The following SLC2A12 variants were observed in gnomAD, a reference collection of about 807,000 sequenced individuals.
SLC2A12 encodes the protein solute carrier family 2, facilitated glucose transporter member 12.
Under a neutral mutation model 41.8 loss-of-function variants are expected in SLC2A12, and 23 were observed. The ratio of observed to expected loss-of-function variants is 0.55; its 90% CI spans 0.40 to 0.78. The LOEUF is 0.78. Among genes scored for constraint, SLC2A12 ranks in the 30% least tolerant of loss-of-function variants. SLC2A12 has a pLI of 0.00. For synonymous variants in SLC2A12, 295 were observed against 285.9 expected (o/e 1.03, Z -0.32); for missense variants, 654 against 745.6 (o/e 0.88, Z 1.43).
chr6:134,050,445 A>G (rs1028628800), intron 1 of SLC2A12, among the ~76,000 whole-genome samples: 3 of 152,242 alleles, frequency 2.0e-5, no homozygotes, highest in African/African-American at 4.8e-5. Flanking sequence ...TTATTTCTTT[A>G]CAACATAAAC....
At chr6:134,011,825 T>A (rs1379407702) in intron 2 of SLC2A12, among the ~76,000 whole-genome samples, 1 of 152,072 alleles carries the variant, frequency 6.6e-6, no homozygotes, top group Non-Finnish European at 1.5e-5. Flanking sequence ...GCAGATCACC[T>A]AAGCTCAGGA....
chr6:134,021,753 G>A (rs1411410845), intron 2 of SLC2A12, among the ~76,000 whole-genome samples: 3 of 152,192 alleles, frequency 2.0e-5, no homozygotes, highest in African/African-American at 7.2e-5. Context: ...GCCCAGAACT[G>A]AATTACTCTA....
At position 133,989,474 on chromosome 6, in the gene SLC2A12, A is replaced by G. The variant is rs1019873549; in HGVS notation, c.*1681T>C. On this transcript the variant is annotated 3_prime_UTR_variant, in exon 5 of 5. Transcript: ENST00000275230. Reference sequence around the variant, plus strand: ...GCTAAACAAAAAATACCTGAAGTATATATAGAGTTTGAACTATAAACACGG... The same window carrying G: ...GCTAAACAAAAAATACCTGAAGTATGTATAGAGTTTGAACTATAAACACGG... The G allele has an allele frequency of 7.2e-5, 11 of 152,208 alleles. No individual in the cohort carries two copies. The highest frequency in any genetic ancestry group is 2.7e-4 in the African/African-American group (11 of 41,452). The allele number at this position is 152,208 out of a possible 1,614,324, so 9.4% of individuals were successfully genotyped here.
At chr6:134,012,220 T>C (rs1486985301) in intron 2 of SLC2A12, among the ~76,000 whole-genome samples, 5 of 152,224 alleles carry the variant, frequency 3.3e-5, no homozygotes, top group African/African-American at 9.6e-5. Flanking sequence ...CTTGGATTAC[T>C]TAAATTACAA....
At position 134,029,250 on chromosome 6, in the gene SLC2A12, A is replaced by G; in HGVS notation, c.575T>C (p.Val192Ala). ...AYISNYAFAN[V>A]FHGWKYMFGL... ...AAACATGTACTTCCAGCCATGGAAA[A>G]CATTGGCAAATGCGTAATTTGAAAT... Residue 192 changes from valine (V) to alanine (A), a missense_variant, in exon 2 of 5, where the codon GTT (valine) becomes GCT (alanine). Physicochemically the swap from Val to Ala is moderately conservative, Grantham distance 64. Coordinates refer to ENST00000275230, the MANE Select transcript of SLC2A12 (RefSeq NM_145176.3). 1 of 1,614,230 alleles carries G rather than the reference A, an allele frequency of 6.2e-7. No homozygotes were observed. Among genetic ancestry groups the G allele is most frequent in the Non-Finnish European group, 8.5e-7 (1 of 1,180,044 alleles).
chr6:134,002,018 A>G lies in SLC2A12; in HGVS notation c.1679T>C (p.Ile560Thr), dbSNP rs1363911891. Residue 560 changes from isoleucine (I) to threonine (T), a missense_variant, in exon 4 of 5, where the codon ATA (isoleucine) becomes ACA (threonine). Ile to Thr is a moderately conservative substitution (Grantham distance 89). This residue lies in a region of SLC2A12 where 134 missense variants were observed against 180.5 expected (regional missense o/e 0.74). Coordinates refer to ENST00000275230, the MANE Select transcript of SLC2A12 (RefSeq NM_145176.3). ...TTACACTTTTGCTAGCTCCATTGAT[A>G]TTTGTTCCAAAGAGCATCCCTTTGT... Reference protein sequence around the residue: ...PETKGCSLEQISMELAKVNYV... With the variant: ...PETKGCSLEQTSMELAKVNYV... 6.2e-7 allele frequency: 1 copy of G among 1,609,058 alleles called. No homozygotes were observed.
chr6:134,012,615 A>G (rs902532291), intron 2 of SLC2A12, among the ~76,000 whole-genome samples: 2 of 152,222 alleles, frequency 1.3e-5, no homozygotes, highest in African/African-American at 4.8e-5. Context: ...ACTCTTTTAA[A>G]TGTTTCCTGT....
In SLC2A12 at chr6:133,988,372, T is replaced by C. The variant is rs1039846164; in HGVS notation, c.*2783A>G. On this transcript the variant is annotated 3_prime_UTR_variant, in exon 5 of 5. Transcript: ENST00000275230. ...AGTTTAGTGTAACCAACAGTGATTA[T>C]ACCTAGAAATAAAGCTGAGTGGAGA... The C allele has an allele frequency of 1.3e-5, 2 of 152,230 alleles. No homozygotes were observed. Among genetic ancestry groups the C allele is most frequent in the African/African-American group, 4.8e-5 (2 of 41,464 alleles). 9.4% of individuals were successfully genotyped at this position (152,230 alleles called of 1,614,324 possible).
intron 2 of SLC2A12, among the ~76,000 whole-genome samples, chr6:134,026,177 G>A (rs1434641598): frequency 2.0e-5 from 3 of 152,108 alleles, no homozygotes; most frequent in Non-Finnish European, 4.4e-5. Flanking sequence ...TAGACTCTTA[G>A]CTAATCTTGA....
In SLC2A12 at chr6:134,006,969, C is replaced by T. The variant is rs1216118978; in HGVS notation, c.1445-35G>A. On this transcript the variant is annotated intron_variant, in intron 2 of 4. Coordinates refer to ENST00000275230, the MANE Select transcript of SLC2A12 (RefSeq NM_145176.3). ...AGGCAAGAGTGGGTGGCGGACAGCACATTTAGCAAAAACCCATTGAATCTG... is the reference window on the plus strand; with the variant it reads ...AGGCAAGAGTGGGTGGCGGACAGCATATTTAGCAAAAACCCATTGAATCTG... The T allele has an allele frequency of 1.1e-5, 18 of 1,611,804 alleles. No homozygotes were observed. The East Asian group carries it at 4.0e-4, about 36-fold the overall frequency.
intron 4 of SLC2A12, among the ~76,000 whole-genome samples, chr6:133,994,475 C>T (rs1776659068): frequency 1.3e-5 from 2 of 152,148 alleles, no homozygotes; most frequent in Admixed American, 6.5e-5. Flanking sequence ...CGCCTGTAAT[C>T]CCAGCACTTT....
chr6:133,991,245 C>A lies in SLC2A12; in HGVS notation c.1764G>T (p.Gln588His), dbSNP rs1776619062. 1.2e-6 allele frequency: 2 copies of A among 1,613,934 alleles called. No individual in the cohort carries two copies. The highest frequency in any genetic ancestry group is 2.2e-5 in the South Asian group (2 of 91,052). ...GCTCCTGGGGTTTTCTTTTTTGAGG[C>A]TGTTTTGGCACTAATTCTTCTTGGT... ...SHHQEELVPK[Q>H]PQKRKPQEQL... Residue 588 changes from glutamine (Q) to histidine (H), a missense_variant, in exon 5 of 5, where the codon CAG becomes CAT. This residue lies in a region of SLC2A12 where 134 missense variants were observed against 180.5 expected (regional missense o/e 0.74). Transcript: ENST00000275230.
intron 2 of SLC2A12, among the ~76,000 whole-genome samples, chr6:134,011,573 A>T (rs1287627736): frequency 6.6e-6 from 1 of 152,156 alleles, no homozygotes; most frequent in Non-Finnish European, 1.5e-5. Context: ...TTTTAAAATC[A>T]AATTAAAAAT....
At chr6:134,010,180 T>A (rs1776861386) in intron 2 of SLC2A12, among the ~76,000 whole-genome samples, 1 of 152,212 alleles carries the variant, frequency 6.6e-6, no homozygotes. Flanking sequence ...ATGTTTATAA[T>A]AACAGGTGGG....
chr6:134,032,051 C>A (rs1777215656), intron 1 of SLC2A12, among the ~76,000 whole-genome samples: 2 of 152,022 alleles, frequency 1.3e-5, no homozygotes, highest in African/African-American at 2.4e-5. Flanking sequence ...GCTAAGGCTG[C>A]CTTTTCGGGG....
rs1582602088 is a variant in SLC2A12, at chr6:134,008,136, G to A, written c.1445-1202C>T. ...TACATAATTTTATCCCAGAAGAGGGGATGGGAAGAAGAAACTAGAAGCCAG... is the reference window on the plus strand; with the variant it reads ...TACATAATTTTATCCCAGAAGAGGGAATGGGAAGAAGAAACTAGAAGCCAG... On this transcript the variant is annotated intron_variant, in intron 2 of 4. Coordinates refer to ENST00000275230, the MANE Select transcript of SLC2A12 (RefSeq NM_145176.3). Among the ~76,000 whole-genome samples the A allele has an allele frequency of 2.6e-5, 4 of 152,176 alleles. No individual in the cohort carries two copies. In the South Asian group the frequency reaches 8.3e-4, roughly 32 times the overall value.
At chr6:134,009,486 T>C (rs1044272572) in intron 2 of SLC2A12, among the ~76,000 whole-genome samples, 76 of 152,164 alleles carry the variant, frequency 5.0e-4, no homozygotes, top group African/African-American at 1.7e-3. Flanking sequence ...AATTGACAAA[T>C]GTTTTGACAA....
At chr6:134,012,171 T>C (rs1776896286) in intron 2 of SLC2A12, among the ~76,000 whole-genome samples, 1 of 152,264 alleles carries the variant, frequency 6.6e-6, no homozygotes, top group South Asian at 2.1e-4. Flanking sequence ...TATCCACTCA[T>C]GGCCTTTTGT....
At chr6:134,017,882 G>A (rs1364117320) in intron 2 of SLC2A12, among the ~76,000 whole-genome samples, 2 of 151,744 alleles carry the variant, frequency 1.3e-5, no homozygotes, top group Non-Finnish European at 2.9e-5. Context: ...AAAAAGAAGA[G>A]TGGACATTTG....
Sources: allele counts gnomAD v4.1 joint callset (sites outside exome capture counted in the v4.1 genomes callset), GRCh38; gene constraint gnomAD v4.1.1; regional missense constraint gnomAD v4.1.1; transcripts MANE v1.5; gene names NCBI Gene and HGNC (gene_info 2026-07-23, HGNC 2026-07-21).